MAGEE1: variants seen among roughly 807,000 people sequenced by gnomAD.
MAGEE1 encodes the protein melanoma-associated antigen E1.
In MAGEE1, 3 loss-of-function variants were observed where a neutral mutation model predicts 12.0. That is an observed-to-expected ratio of 0.25 (90% confidence interval 0.11 to 0.65). MAGEE1 has a LOEUF of 0.65. MAGEE1 is among the 30% of genes least tolerant of loss of function. The pLI is 0.84. For missense variants in MAGEE1, 729 were observed against 772.2 expected (o/e 0.94, Z 0.66); for synonymous variants, 414 against 326.1 (o/e 1.27, Z -2.91).
In MAGEE1 at chrX:76,428,932, C is replaced by T; in HGVS notation, c.1002C>T (p.Pro334=). 8.3e-7 allele frequency: 1 copy of T among 1,208,257 alleles called. No individual in the cohort carries two copies. The highest frequency in any genetic ancestry group is 1.1e-6 in the Non-Finnish European group (1 of 894,624). The change falls in exon 1 of 1, where the codon CCC becomes CCT. Residue 334 remains proline, a synonymous_variant. Transcript: ENST00000361470. The stretch of plus-strand genomic sequence containing the variant: ...GGGGACTGAGCACCTCCGTGCCGCC[C>T]ACCGCCACTGAGGAGTTGAGCACCT... ...PGGGLSTSVP[P]TATEELSTSV...
chrX:76,428,843 A>T lies in MAGEE1; in HGVS notation c.913A>T (p.Ser305Cys), dbSNP rs142080557. Reference sequence around the variant, plus strand: ...GCCCCCCACCGCCACCGAGGGCCTGAGCACCTCCGTGCAGCCCACTGCTGG... The same window carrying T: ...GCCCCCCACCGCCACCGAGGGCCTGTGCACCTCCGTGCAGCCCACTGCTGG... The part of the protein sequence containing the change: ...SVPPTATEGL[S>C]TSVQPTAGEG... The change falls in exon 1 of 1, where the codon AGC becomes TGC. Residue 305 changes from serine (S) to cysteine (C), a missense_variant. Physicochemically the swap from Ser to Cys is moderately radical, Grantham distance 112. This residue lies in a region of MAGEE1 where 473 missense variants were observed against 423.7 expected (regional missense o/e 1.12). Coordinates refer to ENST00000361470, the MANE Select transcript of MAGEE1 (RefSeq NM_020932.3). The T allele has an allele frequency of 2.6e-3, 3,099 of 1,207,811 alleles. 5 individuals are homozygous for T. The highest frequency in any genetic ancestry group is 6.4e-3 in the South Asian group (361 of 56,734).
Position 76,429,629 on chromosome X carries a change from G to T in MAGEE1, c.1699G>T (p.Val567Leu). Reference sequence around the variant, plus strand: ...CATTCTGTTAAACAAACTGGGACCTGTGCCCTTTGAAGGGTTAGAAGAGAG... The same window carrying T: ...CATTCTGTTAAACAAACTGGGACCTTTGCCCTTTGAAGGGTTAGAAGAGAG... ...TYILLNKLGP[V>L]PFEGLEESPN... The change falls in exon 1 of 1, where the codon GTG (valine) becomes TTG (leucine). Residue 567 changes from valine (V) to leucine (L), a missense_variant. Physicochemically the swap from Val to Leu is conservative, Grantham distance 32. Around this residue, in one of 4 missense-constraint regions of MAGEE1, gnomAD observed 91 missense variants for 133.8 expected, o/e 0.68. Coordinates refer to ENST00000361470, the MANE Select transcript of MAGEE1 (RefSeq NM_020932.3). 8.3e-7 allele frequency: 1 copy of T among 1,210,635 alleles called. No individual in the cohort carries two copies. Among genetic ancestry groups the T allele is most frequent in the Non-Finnish European group, 1.1e-6 (1 of 895,031 alleles).
Position 76,430,703 on chromosome X carries a change from G to C in MAGEE1, c.2773G>C (p.Glu925Gln). Residue 925 changes from glutamate (E) to glutamine (Q), a missense_variant, in exon 1 of 1, where the codon GAA (glutamate) becomes CAA (glutamine). Physicochemically the swap from Glu to Gln is conservative, Grantham distance 29 (BLOSUM62 2). Coordinates refer to ENST00000361470, the MANE Select transcript of MAGEE1 (RefSeq NM_020932.3). ...LRYVARIHRK[E>Q]PQDWPQQYRE... ...ATATGTGGCCAGAATCCACAGAAAG[G>C]AACCACAGGACTGGCCACAGCAGTA... 8.3e-7 allele frequency: 1 copy of C among 1,211,440 alleles called. No homozygotes were observed. Among genetic ancestry groups the C allele is most frequent in the Non-Finnish European group, 1.1e-6 (1 of 895,464 alleles).
rs1339298462 is a variant in MAGEE1 at position 76,428,288 on chromosome X, A to G, written c.358A>G (p.Ile120Val). 6.0e-6 allele frequency: 7 copies of G among 1,175,527 alleles called. No individual in the cohort carries two copies. The highest frequency in any genetic ancestry group is 8.0e-6 in the Non-Finnish European group (7 of 879,441). ...EGLSTSGPPT[I>V]SKGLCTSVTL... is the part of the protein sequence containing the mutation. ...CCTAAGCACCTCCGGGCCTCCCACC[A>G]TCTCTAAGGGGCTGTGCACCTCTGT... The change falls in exon 1 of 1, where the codon ATC becomes GTC. Residue 120 changes from isoleucine to valine, a missense_variant. Physicochemically the swap from Ile to Val is conservative, Grantham distance 29. Around this residue, in one of 4 missense-constraint regions of MAGEE1, gnomAD observed 473 missense variants for 423.7 expected, o/e 1.12. Coordinates refer to ENST00000361470, the MANE Select transcript of MAGEE1 (RefSeq NM_020932.3).
chrX:76,430,497 C>A lies in MAGEE1; in HGVS notation c.2567C>A (p.Ala856Glu), dbSNP rs1556839928. 8.3e-7 allele frequency: 1 copy of A among 1,208,080 alleles called. No individual in the cohort carries two copies. Among genetic ancestry groups the A allele is most frequent in the East Asian group, 3.0e-5 (1 of 33,805 alleles). Residue 856 changes from alanine (A) to glutamate (E), a missense_variant, in exon 1 of 1, where the codon GCA becomes GAA. Coordinates refer to ENST00000361470, the MANE Select transcript of MAGEE1 (RefSeq NM_020932.3). ...ATGGGCAACCATGCCAGGGAGTCTG[C>A]AGTCTGGGCCTTTCTGCGGGGCTTA... is the stretch of plus-strand genomic sequence containing the variant. ...FIMGNHARES[A>E]VWAFLRGLGV...
rs1178558878 is a variant in MAGEE1, at chrX:76,428,067, C to G, written c.137C>G (p.Pro46Arg). 4 of 1,178,648 alleles carry G rather than the reference C, an allele frequency of 3.4e-6. No individual in the cohort carries two copies. The highest frequency in any genetic ancestry group is 4.5e-6 in the Non-Finnish European group (4 of 879,199). Residue 46 changes from proline to arginine, a missense_variant, in exon 1 of 1, where the codon CCC becomes CGC. By Grantham distance (103) the Pro-to-Arg change is moderately radical. Transcript: ENST00000361470. ...LPADVPGSDV[P>R]QGPSDSQILQ... The stretch of plus-strand genomic sequence containing the variant: ...GCTGATGTGCCAGGCTCAGACGTCC[C>G]CCAGGGTCCCAGCGATTCCCAGATC...
At position 76,429,338 on chromosome X, in the gene MAGEE1, T is replaced by A. The variant is rs186118079; in HGVS notation, c.1408T>A (p.Ser470Thr). The change falls in exon 1 of 1, where the codon TCC becomes ACC. Residue 470 changes from serine to threonine, a missense_variant. Around this residue, in one of 4 missense-constraint regions of MAGEE1, gnomAD observed 473 missense variants for 423.7 expected, o/e 1.12. Coordinates refer to ENST00000361470, the MANE Select transcript of MAGEE1 (RefSeq NM_020932.3). ...CCTGAGAGACTGTGAGAGCCCCAAC[T>A]CCATTAGTATTATGGGCCTCAATAC... ...EVLRDCESPN[S>T]ISIMGLNTSR... 6.2e-5 allele frequency: 75 copies of A among 1,209,451 alleles called. No individual in the cohort carries two copies. In the East Asian group the frequency reaches 2.2e-3, roughly 36 times the overall value.
chrX:76,428,733 C>G lies in MAGEE1; in HGVS notation c.803C>G (p.Pro268Arg), dbSNP rs149418350. ...TSVPATPGEG[P>R]STSVLPAASD... ...GTGCCGGCCACTCCTGGTGAGGGAC[C>G]GAGCACCTCCGTGCTGCCCGCCGCC... Residue 268 changes from proline to arginine, a missense_variant, in exon 1 of 1, where the codon CCG becomes CGG. Physicochemically the swap from Pro to Arg is moderately radical, Grantham distance 103. Transcript: ENST00000361470. 4 of 1,208,648 alleles carry G rather than the reference C, an allele frequency of 3.3e-6. No homozygotes were observed. The highest frequency in any genetic ancestry group is 3.5e-5 in the African/African-American group (2 of 56,895).
Position 76,429,901 on chromosome X carries a change from A to G in MAGEE1, c.1971A>G (p.Pro657=), listed in dbSNP as rs782306201. The G allele has an allele frequency of 1.7e-6, 2 of 1,211,771 alleles. No individual in the cohort carries two copies. The highest frequency in any genetic ancestry group is 4.3e-5 in the Admixed American group (2 of 46,041). ...KPVEYEFFWG[P]RSHLETTKMK... The stretch of plus-strand genomic sequence containing the variant: ...TGGAGTATGAGTTTTTCTGGGGCCC[A>G]AGATCCCACCTAGAAACCACCAAGA... The change falls in exon 1 of 1, where the codon CCA becomes CCG. Residue 657 remains proline, a synonymous_variant. Transcript: ENST00000361470.
rs1556839107 is a variant in MAGEE1 at position 76,428,038 on chromosome X, C to T, written c.108C>T (p.Leu36=). Residue 36 remains leucine, a synonymous_variant, in exon 1 of 1, where the codon CTC becomes CTT. Transcript: ENST00000361470. ...GEMQAPNAPG[L]PADVPGSDVP... ...TGCAGGCCCCTAATGCCCCCGGTCTCCCCGCTGATGTGCCAGGCTCAGACG... is the reference window on the plus strand; with the variant it reads ...TGCAGGCCCCTAATGCCCCCGGTCTTCCCGCTGATGTGCCAGGCTCAGACG... 3 of 1,186,541 alleles carry T rather than the reference C, an allele frequency of 2.5e-6. No individual in the cohort carries two copies. The highest frequency in any genetic ancestry group is 3.7e-5 in the South Asian group (2 of 54,312).
At position 76,428,773 on chromosome X, in the gene MAGEE1, C is replaced by T; in HGVS notation, c.843C>T (p.Ser281=). ...SVLPAASDGQ[S]ISLVPTRGKG... ...TGCCCGCCGCCTCTGACGGACAAAG[C>T]ATCTCCTTGGTGCCCACCCGCGGTA... Residue 281 remains serine, a synonymous_variant, in exon 1 of 1, where the codon AGC becomes AGT. Coordinates refer to ENST00000361470, the MANE Select transcript of MAGEE1 (RefSeq NM_020932.3). 1 of 1,210,599 alleles carries T rather than the reference C, an allele frequency of 8.3e-7. No individual in the cohort carries two copies.
At position 76,427,921 on chromosome X, in the gene MAGEE1, G is replaced by A; in HGVS notation, c.-10G>A. 8 of 1,186,593 alleles carry A rather than the reference G, an allele frequency of 6.7e-6. No homozygotes were observed. Among genetic ancestry groups the A allele is most frequent in the Non-Finnish European group, 9.1e-6 (8 of 883,110 alleles). ...TCTGCTCCTACACGCCAACGCCGGTGGGCAGGACCATGTCTCTGGTAAGCC... is the reference window on the plus strand; with the variant it reads ...TCTGCTCCTACACGCCAACGCCGGTAGGCAGGACCATGTCTCTGGTAAGCC... On this transcript the variant is annotated 5_prime_UTR_variant, in exon 1 of 1. Transcript: ENST00000361470.
chrX:76,431,119 T>G lies in MAGEE1; in HGVS notation c.*315T>G. The G allele has an allele frequency of 4.6e-6, 1 of 217,791 alleles. No individual in the cohort carries two copies. Among genetic ancestry groups the G allele is most frequent in the Non-Finnish European group, 8.8e-6 (1 of 113,887 alleles). The allele number at this position is 217,791 out of a possible 1,213,427, so 17.9% of individuals were successfully genotyped here. ...TCTAGAAAAGAATATAGCATATAGC[T>G]ATAGATATAGGCTTTTCCTTGAAAG... is the stretch of plus-strand genomic sequence containing the variant. On this transcript the variant is annotated 3_prime_UTR_variant, in exon 1 of 1. Transcript: ENST00000361470.
Position 76,428,903 on chromosome X carries a change from G to A in MAGEE1, c.973G>A (p.Gly325Ser). Residue 325 changes from glycine to serine, a missense_variant, in exon 1 of 1, where the codon GGT (glycine) becomes AGT (serine). This residue lies in a region of MAGEE1 where 473 missense variants were observed against 423.7 expected (regional missense o/e 1.12). Transcript: ENST00000361470. ...GAGCACCTCCGTGCCGCCCACCCCT[G>A]GTGGGGGACTGAGCACCTCCGTGCC... is the stretch of plus-strand genomic sequence containing the variant. ...GSSTSVPPTP[G>S]GGLSTSVPPT... 1 of 1,207,714 alleles carries A rather than the reference G, an allele frequency of 8.3e-7. No individual in the cohort carries two copies. The highest frequency in any genetic ancestry group is 1.1e-6 in the Non-Finnish European group (1 of 894,001).
In MAGEE1 at chrX:76,430,834, C is replaced by CA. The variant is rs781806173; in HGVS notation, c.*32dup. ...ATGCATGGCAGTCAGAGGGGCCTTG[C>CA]AAGGAGGGGCCTTTGAGCCTCAGTT... is the stretch of plus-strand genomic sequence containing the variant. On this transcript the variant is annotated 3_prime_UTR_variant, in exon 1 of 1. Coordinates refer to ENST00000361470, the MANE Select transcript of MAGEE1 (RefSeq NM_020932.3). The CA allele has an allele frequency of 2.3e-6, 2 of 874,502 alleles. No homozygotes were observed. Among genetic ancestry groups the CA allele is most frequent in the South Asian group, 6.5e-5 (2 of 30,860 alleles). 72.1% of individuals were successfully genotyped at this position (874,502 alleles called of 1,213,427 possible).
In MAGEE1 at chrX:76,430,304, C is replaced by T. The variant is rs782493479; in HGVS notation, c.2374C>T (p.Arg792Cys). ...VFPDLLNRAA[R>C]TLNHVYGTEL... ...CCCTGACCTCCTGAATCGTGCTGCCCGCACCCTGAACCATGTCTATGGGAC... is the reference window on the plus strand; with the variant it reads ...CCCTGACCTCCTGAATCGTGCTGCCTGCACCCTGAACCATGTCTATGGGAC... The change falls in exon 1 of 1, where the codon CGC becomes TGC. Residue 792 changes from arginine to cysteine, a missense_variant. Arg to Cys is a radical substitution (Grantham distance 180). Transcript: ENST00000361470. The T allele has an allele frequency of 5.0e-6, 6 of 1,211,869 alleles. No individual in the cohort carries two copies. The highest frequency in any genetic ancestry group is 5.6e-6 in the Non-Finnish European group (5 of 895,549).
In MAGEE1 at chrX:76,428,931, C is replaced by T; in HGVS notation, c.1001C>T (p.Pro334Leu). The stretch of plus-strand genomic sequence containing the variant: ...GGGGGACTGAGCACCTCCGTGCCGC[C>T]CACCGCCACTGAGGAGTTGAGCACC... Reference protein sequence around the residue: ...PGGGLSTSVPPTATEELSTSV... With the variant: ...PGGGLSTSVPLTATEELSTSV... Residue 334 changes from proline (P) to leucine (L), a missense_variant, in exon 1 of 1, where the codon CCC becomes CTC. This residue lies in a region of MAGEE1 where 473 missense variants were observed against 423.7 expected (regional missense o/e 1.12). Transcript: ENST00000361470. 1 of 1,208,254 alleles carries T rather than the reference C, an allele frequency of 8.3e-7. No individual in the cohort carries two copies. Among genetic ancestry groups the T allele is most frequent in the South Asian group, 1.8e-5 (1 of 56,947 alleles).
In MAGEE1 at chrX:76,430,402, G is replaced by A; in HGVS notation, c.2472G>A (p.Glu824=). 6 of 1,211,692 alleles carry A rather than the reference G, an allele frequency of 5.0e-6. No homozygotes were observed. The highest frequency in any genetic ancestry group is 6.7e-6 in the Non-Finnish European group (6 of 895,547). The change falls in exon 1 of 1, where the codon GAG becomes GAA. Residue 824 remains glutamate (E), a synonymous_variant. Coordinates refer to ENST00000361470, the MANE Select transcript of MAGEE1 (RefSeq NM_020932.3). The part of the protein sequence containing the change: ...LYNRREMEET[E]EIVDSPNRPG... ...ACCGAAGGGAGATGGAAGAAACTGA[G>A]GAGATCGTAGACAGTCCAAACAGGC...
Position 76,429,706 on chromosome X carries a change from C to T in MAGEE1, c.1776C>T (p.Phe592=). The T allele has an allele frequency of 8.3e-7, 1 of 1,210,864 alleles. No individual in the cohort carries two copies. Among genetic ancestry groups the T allele is most frequent in the Non-Finnish European group, 1.1e-6 (1 of 895,223 alleles). Residue 592 remains phenylalanine, a synonymous_variant, in exon 1 of 1, where the codon TTC becomes TTT. Transcript: ENST00000361470. ...GLLMMILGQI[F]LNGNQAKEAE... ...TGATGATGATTCTAGGCCAAATATT[C>T]CTGAATGGCAACCAAGCCAAGGAGG... is the stretch of plus-strand genomic sequence containing the variant.
Sources: gnomAD v4.1 joint callset for allele counts on GRCh38, gnomAD v4.1.1 for gene constraint, gnomAD v4.1.1 regional missense constraint, MANE v1.5 for transcripts, NCBI Gene and HGNC (gene_info 2026-07-23, HGNC 2026-07-21) for gene names.